The following ZNF860 variants were observed in gnomAD, a reference collection of about 807,000 sequenced individuals.
ZNF860 encodes zinc finger protein 860.
For synonymous variants in ZNF860, 206 were observed against 248.9 expected, an observed-to-expected ratio of 0.83 and a Z score of 1.62; for missense variants, 641 against 759.2, an observed-to-expected ratio of 0.84 and a Z score of 1.83.
In ZNF860 at chr3:31,989,642, C is replaced by G; in HGVS notation, c.563C>G (p.Ser188Ter). 3 of 1,614,184 alleles carry G rather than the reference C, an allele frequency of 1.9e-6. No individual in the cohort carries two copies. Among genetic ancestry groups the G allele is most frequent in the Non-Finnish European group, 2.5e-6 (3 of 1,180,026 alleles). Reference protein sequence around the residue: ...QVEKSINDASSVLTSQRISSR... With the variant: ...QVEKSINDAS ...GAGAAGTCTATCAACGATGCTTCCT[C>G]AGTTCTAACGTCCCAAAGAATTTCT... Residue 188 changes from serine (S) to a stop codon, truncating the protein, a stop_gained, in exon 2 of 2, where the codon TCA (serine) becomes TGA (stop). Coordinates refer to ENST00000360311, the MANE Select transcript of ZNF860 (RefSeq NM_001137674.3). LOFTEE classifies it low-confidence loss of function (END_TRUNC).
the ZNF860 span, among the ~76,000 whole-genome samples, chr3:31,997,324 G>A: frequency 6.6e-6 from 1 of 151,572 alleles, no homozygotes; most frequent in African/African-American, 2.4e-5. Flanking sequence ...GAGTGCAGTG[G>A]TGCGATTTCG....
intron 1 of ZNF860, among the ~76,000 whole-genome samples, chr3:31,985,538 G>A (rs1698922607): frequency 6.6e-6 from 1 of 152,168 alleles, no homozygotes; most frequent in Admixed American, 6.5e-5. Flanking sequence ...GGCTGGTCTG[G>A]AGTTTCTAGT....
the ZNF860 span, among the ~76,000 whole-genome samples, chr3:31,997,592 A>G: frequency 6.6e-6 from 1 of 151,728 alleles, no homozygotes; most frequent in African/African-American, 2.4e-5. Flanking sequence ...AAGGAGAGTT[A>G]GTGAATTAGC....
At chr3:31,983,042 G>A (rs1371608943) in intron 1 of ZNF860, among the ~76,000 whole-genome samples, 2 of 152,212 alleles carry the variant, frequency 1.3e-5, no homozygotes, top group Non-Finnish European at 2.9e-5. Flanking sequence ...TTAAGCTTGT[G>A]TCCTGGAGTG....
chr3:31,989,494 G>T lies in ZNF860; in HGVS notation c.415G>T (p.Asp139Tyr), dbSNP rs781139425. The stretch of plus-strand genomic sequence containing the variant: ...AATCAAAAAGTTGACTGGTAGCACC[G>T]ACAGATATGATCGAAGGCATCCTGG... ...TQIKKLTGST[D>Y]RYDRRHPGNK... The change falls in exon 2 of 2, where the codon GAC becomes TAC. Residue 139 changes from aspartate to tyrosine, a missense_variant. Coordinates refer to ENST00000360311, the MANE Select transcript of ZNF860 (RefSeq NM_001137674.3). The T allele has an allele frequency of 3.7e-6, 6 of 1,614,056 alleles. No individual in the cohort carries two copies. The African/African-American group carries it at 6.7e-5, about 18-fold the overall frequency.
At chr3:31,987,108 A>G (rs1441409710) in intron 1 of ZNF860, among the ~76,000 whole-genome samples, 1 of 136,718 alleles carries the variant, frequency 7.3e-6, no homozygotes. Context: ...ATATATATGT[A>G]TGTGTATACA....
Position 31,989,059 on chromosome 3 carries a change from A to G in ZNF860, c.-21A>G. ...GCCTCAGTGAAGGTCACACTGCAGC[A>G]CTATTGATTTCTAAAGACTCATGTT... On this transcript the variant is annotated 5_prime_UTR_variant, in exon 2 of 2. Coordinates refer to ENST00000360311, the MANE Select transcript of ZNF860 (RefSeq NM_001137674.3). 1 of 1,613,706 alleles carries G rather than the reference A, an allele frequency of 6.2e-7. No homozygotes were observed. Among genetic ancestry groups the G allele is most frequent in the East Asian group, 2.2e-5 (1 of 44,892 alleles).
At position 31,990,726 on chromosome 3, in the gene ZNF860, C is replaced by T. The variant is rs185007191; in HGVS notation, c.1647C>T (p.Arg549=). Reference sequence around the variant, plus strand: ...AAGAATGTGACACAGTTTTCAGTCGCAAATCACACCATGAAACACATAAGA... The same window carrying T: ...AAGAATGTGACACAGTTTTCAGTCGTAAATCACACCATGAAACACATAAGA... ...KCEECDTVFS[R]KSHHETHKRI... Residue 549 remains arginine (R), a synonymous_variant, in exon 2 of 2, where the codon CGC becomes CGT. Transcript: ENST00000360311. 2.5e-4 allele frequency: 399 copies of T among 1,613,856 alleles called. 1 individual carries two copies. In the Middle Eastern group the frequency reaches 2.6e-3, roughly 11 times the overall value.
chr3:31,987,307 C>T (rs184868029), intron 1 of ZNF860, among the ~76,000 whole-genome samples: 3 of 152,324 alleles, frequency 2.0e-5, no homozygotes, highest in East Asian at 1.9e-4. Context: ...TCCTTTGTAA[C>T]AGTTTCAGAG....
intron 1 of ZNF860, among the ~76,000 whole-genome samples, chr3:31,987,643 C>A (rs1373658978): frequency 6.6e-6 from 1 of 152,216 alleles, no homozygotes; most frequent in Non-Finnish European, 1.5e-5. Context: ...CTCTCATCCT[C>A]TAGCAGGCCA....
the ZNF860 span, among the ~76,000 whole-genome samples, chr3:31,997,350 C>T: frequency 7.3e-5 from 11 of 151,630 alleles, no homozygotes; most frequent in African/African-American, 1.9e-4. Flanking sequence ...CTGCAACCTC[C>T]GCCTCCTGGG....
intron 1 of ZNF860, among the ~76,000 whole-genome samples, chr3:31,985,104 T>C (rs956099177): frequency 2.6e-5 from 4 of 152,152 alleles, no homozygotes; most frequent in Non-Finnish European, 5.9e-5. Flanking sequence ...CTGGGCGTGG[T>C]CATACACGCC....
the ZNF860 span, among the ~76,000 whole-genome samples, chr3:32,006,090 G>A: frequency 6.6e-6 from 1 of 151,798 alleles, no homozygotes; most frequent in Non-Finnish European, 1.5e-5. Context: ...GATTACAGAT[G>A]AGCACCACCA....
the ZNF860 span, among the ~76,000 whole-genome samples, chr3:32,005,548 A>C: frequency 5.9e-5 from 9 of 152,012 alleles, no homozygotes; most frequent in Non-Finnish European, 1.0e-4. Flanking sequence ...CAGACACTCA[A>C]ACTTGGTATT....
chr3:31,997,687 C>T, the ZNF860 span, among the ~76,000 whole-genome samples: 22 of 152,150 alleles, frequency 1.4e-4, no homozygotes, highest in South Asian at 1.0e-3. Context: ...TTTCATCAAG[C>T]GAACATCTGG....
intron 1 of ZNF860, among the ~76,000 whole-genome samples, chr3:31,985,842 C>T (rs1164664436): frequency 2.0e-5 from 3 of 152,158 alleles, no homozygotes; most frequent in Non-Finnish European, 1.5e-5. Context: ...CACATAATAA[C>T]TCATTAAATC....
At chr3:31,985,993 C>A (rs1480667247) in intron 1 of ZNF860, among the ~76,000 whole-genome samples, 1 of 152,150 alleles carries the variant, frequency 6.6e-6, no homozygotes, top group African/African-American at 2.4e-5. Context: ...GGCTACTGAG[C>A]GTGAGTTCTT....
chr3:32,002,023 G>T, the ZNF860 span, among the ~76,000 whole-genome samples: 2 of 152,150 alleles, frequency 1.3e-5, no homozygotes, highest in Non-Finnish European at 2.9e-5. Flanking sequence ...TTAATAAATG[G>T]CAGGTTAGGG....
the ZNF860 span, among the ~76,000 whole-genome samples, chr3:32,001,291 A>G: frequency 2.0e-5 from 3 of 152,144 alleles, no homozygotes; most frequent in Admixed American, 6.5e-5. Context: ...GGCCTACTCT[A>G]TAAGGCTGGG....
Sources: allele counts gnomAD v4.1 joint callset (sites outside exome capture counted in the v4.1 genomes callset), GRCh38; gene constraint gnomAD v4.1.1; transcripts MANE v1.5; gene names NCBI Gene and HGNC (gene_info 2026-07-23, HGNC 2026-07-21).